LRBA: variants seen among roughly 807,000 people sequenced by gnomAD.
LRBA encodes the protein LPS responsive beige-like anchor protein, also known as lipopolysaccharide-responsive and beige-like anchor protein.
A neutral mutation model predicts 330.0 loss-of-function variants in LRBA; 176 were observed. The ratio of observed to expected loss-of-function variants is 0.53; its 90% CI spans 0.47 to 0.60. The LOEUF is 0.60. Ranked by LOEUF, LRBA falls within the 20% of genes least tolerant of loss-of-function variation. The pLI, the probability that LRBA is intolerant of heterozygous loss-of-function variation, is 0.00. For missense variants in LRBA, 3,259 were observed against 3,444.8 expected (o/e 0.95, Z 1.35); for synonymous variants, 1,230 against 1,193.0 (o/e 1.03, Z -0.64).
At chr4:150,726,254 C>T (rs144485125) in intron 36 of LRBA, among the ~76,000 whole-genome samples, 8 of 152,250 alleles carry the variant, frequency 5.3e-5, no homozygotes, top group African/African-American at 1.9e-4. Context: ...GTAAGAAACA[C>T]ACTTCACCTA....
chr4:150,849,563 C>G lies in LRBA; in HGVS notation c.4017G>C (p.Lys1339Asn). Residue 1339 changes from lysine (K) to asparagine (N), a missense_variant, in exon 25 of 57, where the codon AAG becomes AAC. Transcript: ENST00000651943. ...DIQMWRSHSTKTVMDFVNSSD... is the reference protein window; with the variant it reads ...DIQMWRSHSTNTVMDFVNSSD... ...TGCTATTCACGAAGTCCATAACTGT[C>G]TTTGTTGAATGGCTGTCCAAAGATA... 1 of 1,611,266 alleles carries G rather than the reference C, an allele frequency of 6.2e-7. No homozygotes were observed. Among genetic ancestry groups the G allele is most frequent in the Non-Finnish European group, 8.5e-7 (1 of 1,178,318 alleles).
At chr4:150,532,001 G>A (rs922141241) in intron 40 of LRBA, among the ~76,000 whole-genome samples, 2 of 152,276 alleles carry the variant, frequency 1.3e-5, no homozygotes. Context: ...TTTTGCAGCT[G>A]CAACTGTTAA....
intron 53 of LRBA, among the ~76,000 whole-genome samples, chr4:150,301,490 T>C (rs1010100315): frequency 6.6e-6 from 1 of 152,082 alleles, no homozygotes; most frequent in Admixed American, 6.5e-5. Context: ...AAAAACTGTA[T>C]TTACCTATCA....
intron 47 of LRBA, among the ~76,000 whole-genome samples, chr4:150,371,181 AAT>A (rs1740234513): frequency 7.3e-6 from 1 of 136,754 alleles, no homozygotes; most frequent in African/African-American, 3.2e-5. Context: ...CAAGCTACTA[AAT>A]TTTTTTTTTT....
intron 2 of LRBA, among the ~76,000 whole-genome samples, chr4:151,003,417 A>C (rs1561118581): frequency 6.6e-6 from 1 of 151,830 alleles, no homozygotes; most frequent in Non-Finnish European, 1.5e-5. Context: ...AAAAAAACAA[A>C]ATCCTAAAAC....
intron 40 of LRBA, among the ~76,000 whole-genome samples, chr4:150,503,817 C>G (rs549229179): frequency 1.8e-4 from 28 of 152,118 alleles, no homozygotes; most frequent in African/African-American, 6.5e-4. Context: ...AAATTCGAAC[C>G]AATGGCAAAG....
At chr4:150,409,755 TC>T (rs1400094115) in intron 47 of LRBA, among the ~76,000 whole-genome samples, 1 of 152,168 alleles carries the variant, frequency 6.6e-6, no homozygotes, top group African/African-American at 2.4e-5. Context: ...ATATGGCAAA[TC>T]TTTTTTCCTC....
At chr4:150,570,689 C>T (rs1422413671) in intron 40 of LRBA, among the ~76,000 whole-genome samples, 1 of 152,028 alleles carries the variant, frequency 6.6e-6, no homozygotes, top group Non-Finnish European at 1.5e-5. Context: ...AAGTTGGCTT[C>T]TTTTTAAAAC....
At chr4:150,640,932 C>T (rs1210542371) in intron 37 of LRBA, among the ~76,000 whole-genome samples, 1 of 152,148 alleles carries the variant, frequency 6.6e-6, no homozygotes, top group Non-Finnish European at 1.5e-5. Flanking sequence ...GATTTGTCTA[C>T]AACCACTCTC....
intron 56 of LRBA, among the ~76,000 whole-genome samples, chr4:150,274,691 C>T (rs1746532747): frequency 6.6e-6 from 1 of 152,148 alleles, no homozygotes; most frequent in Non-Finnish European, 1.5e-5. Context: ...ACTAGAAAAT[C>T]TAGAAGAAAT....
At chr4:150,462,798 T>C (rs566136313) in intron 44 of LRBA, among the ~76,000 whole-genome samples, 2 of 152,058 alleles carry the variant, frequency 1.3e-5, no homozygotes, top group South Asian at 4.1e-4. Flanking sequence ...ATGCATACAA[T>C]GTTTTCTAAG....
chr4:150,442,276 T>A (rs1200704321), intron 44 of LRBA, among the ~76,000 whole-genome samples: 1 of 152,080 alleles, frequency 6.6e-6, no homozygotes, highest in African/African-American at 2.4e-5. Context: ...GCAGAAAAGA[T>A]TGGGGTTAAA....
chr4:150,549,400 C>T (rs1766284171), intron 40 of LRBA, among the ~76,000 whole-genome samples: 2 of 151,766 alleles, frequency 1.3e-5, no homozygotes, highest in Non-Finnish European at 2.9e-5. Context: ...GGCACTATCT[C>T]GGCTCACTGC....
At chr4:150,930,716 A>C (rs1356533973) in intron 2 of LRBA, among the ~76,000 whole-genome samples, 3 of 152,182 alleles carry the variant, frequency 2.0e-5, no homozygotes, top group Non-Finnish European at 4.4e-5. Context: ...CTGTACCTGC[A>C]TGCAGAGAGA....
In LRBA at chr4:150,282,619, T is replaced by C; in HGVS notation, c.8147A>G (p.Asn2716Ser). ...CTCCAAGGTCCTCAACAAGTCTCCA[T>C]TCATGGAATGTATGAGACATGGTCC... Reference protein sequence around the residue: ...QEGPCLIHSMNGDLLRTLEGP... With the variant: ...QEGPCLIHSMSGDLLRTLEGP... Residue 2716 changes from asparagine (N) to serine (S), a missense_variant, in exon 55 of 57, where the codon AAT (asparagine) becomes AGT (serine). By Grantham distance (46) the Asn-to-Ser change is conservative (BLOSUM62 1). Coordinates refer to ENST00000651943, the MANE Select transcript of LRBA (RefSeq NM_001364905.1). The C allele has an allele frequency of 6.2e-7, 1 of 1,612,302 alleles. No individual in the cohort carries two copies. The highest frequency in any genetic ancestry group is 1.7e-4 in the Middle Eastern group (1 of 6,048).
intron 37 of LRBA, among the ~76,000 whole-genome samples, chr4:150,649,816 T>A (rs1779542135): frequency 6.6e-6 from 1 of 152,120 alleles, no homozygotes; most frequent in Admixed American, 6.6e-5. Context: ...AAATACTCAA[T>A]ACATATTTTT....
At chr4:150,436,580 T>TA in intron 45 of LRBA, 144 bp downstream of exon 45, 1 of 629,214 alleles carries the variant, frequency 1.6e-6, no homozygotes, top group Non-Finnish European at 2.6e-6. Flanking sequence ...CCAAATGAGA[T>TA]AGAGATATTT....
intron 2 of LRBA, among the ~76,000 whole-genome samples, chr4:150,944,872 T>G (rs1168098914): frequency 2.0e-5 from 3 of 151,684 alleles, no homozygotes; most frequent in Non-Finnish European, 4.4e-5. Flanking sequence ...GGGTGGGGGG[T>G]TCTCATGATA....
chr4:150,316,949 T>C (rs1309738684), intron 50 of LRBA, among the ~76,000 whole-genome samples: 1 of 152,126 alleles, frequency 6.6e-6, no homozygotes, highest in Non-Finnish European at 1.5e-5. Context: ...CTCAGAACTG[T>C]GGTGCCATCC....
Sources: allele counts gnomAD v4.1 joint callset (sites outside exome capture counted in the v4.1 genomes callset), GRCh38; gene constraint gnomAD v4.1.1; transcripts MANE v1.5; gene names NCBI Gene and HGNC (gene_info 2026-07-23, HGNC 2026-07-21).